SYNE2: variants seen among roughly 807,000 people sequenced by gnomAD.
The protein encoded by SYNE2 is spectrin repeat containing nuclear envelope protein 2, also known as nesprin-2.
In SYNE2, 431 loss-of-function variants were observed where a neutral mutation model predicts 856.3. The ratio of observed to expected loss-of-function variants is 0.50; its 90% CI spans 0.47 to 0.55. The LOEUF is 0.55. Among genes scored for constraint, SYNE2 ranks in the 20% least tolerant of loss-of-function variants. The probability of loss-of-function intolerance (pLI) is 0.00; values close to 1 mark genes in which losing one functional copy is unlikely to be tolerated. For synonymous variants in SYNE2, 2,923 were observed against 2,872.3 expected (o/e 1.02, Z -0.56); for missense variants, 8,129 against 8,023.2 (o/e 1.01, Z -0.50).
chr14:63,766,254 A>AT (rs1566552920), intron 1 of SYNE2, among the ~76,000 whole-genome samples: 1 of 151,612 alleles, frequency 6.6e-6, no homozygotes, highest in East Asian at 2.0e-4. Flanking sequence ...AATTTTTTGT[A>AT]TTTTTAGTGG....
intron 1 of SYNE2, among the ~76,000 whole-genome samples, chr14:63,907,787 G>A (rs773029666): frequency 3.3e-5 from 5 of 152,100 alleles, no homozygotes; most frequent in African/African-American, 7.2e-5. Flanking sequence ...TCATCAGGCT[G>A]CCAAGGCTCA....
chr14:63,770,296 C>G (rs1293431786), intron 1 of SYNE2, among the ~76,000 whole-genome samples: 3 of 152,024 alleles, frequency 2.0e-5, no homozygotes, highest in Non-Finnish European at 4.4e-5. Flanking sequence ...GTGAAAAATA[C>G]CCATAAAAAT....
intron 49 of SYNE2, among the ~76,000 whole-genome samples, chr14:64,056,862 G>C (rs1347187525): frequency 6.6e-6 from 1 of 151,990 alleles, no homozygotes; most frequent in African/African-American, 2.4e-5. Flanking sequence ...AGTAGAGACA[G>C]GATTTCTCCA....
At position 64,129,839 on chromosome 14, in the gene SYNE2, A is replaced by G; in HGVS notation, c.14077A>G (p.Arg4693Gly). ...CGCCGAGAGCCGAGTGGCCAAACTA[A>G]GAGATGAAGGGGAGAGGCTTCATTT... ...ENAESRVAKL[R>G]DEGERLHLPY... is the part of the protein sequence containing the mutation. Residue 4693 changes from arginine to glycine, a missense_variant, in exon 75 of 116, where the codon AGA becomes GGA. Coordinates refer to ENST00000555002, the MANE Select transcript of SYNE2 (RefSeq NM_182914.3). The G allele has an allele frequency of 1.2e-6, 2 of 1,614,224 alleles. No homozygotes were observed. Among genetic ancestry groups the G allele is most frequent in the East Asian group, 4.5e-5 (2 of 44,894 alleles).
At chr14:63,927,979 C>T (rs2095692469) in intron 2 of SYNE2, among the ~76,000 whole-genome samples, 2 of 151,154 alleles carry the variant, frequency 1.3e-5, no homozygotes, top group Admixed American at 1.3e-4. Flanking sequence ...ACCTCTTTTT[C>T]TTTATAAATT....
chr14:64,006,959 G>T (rs1395478180), intron 30 of SYNE2, 84 bp from the exon 31 acceptor site: 4 of 1,080,258 alleles, frequency 3.7e-6, no homozygotes, highest in Non-Finnish European at 5.7e-6. Context: ...ATTAAAGTTA[G>T]TGTGCCTCCC....
At chr14:64,215,789 C>G (rs905614526) in intron 107 of SYNE2, 3 of 489,764 alleles carry the variant, frequency 6.1e-6, no homozygotes, top group Non-Finnish European at 9.6e-6. Context: ...GGGAAAAAAC[C>G]TTCCTTTCCT....
At chr14:64,215,525 C>T in intron 107 of SYNE2, 171 bp downstream of exon 107, 2 of 735,410 alleles carry the variant, frequency 2.7e-6, no homozygotes, top group East Asian at 2.7e-5. Flanking sequence ...CTGCGTGCTC[C>T]TTACAAAACC....
chr14:64,053,401 A>T lies in SYNE2; in HGVS notation c.9488A>T (p.His3163Leu). Reference sequence around the variant, plus strand: ...CAGGACAAACTAGAAACTTCCTTACATGTTTTAAATCAGATAAAATCTCAA... The same window carrying T: ...CAGGACAAACTAGAAACTTCCTTACTTGTTTTAAATCAGATAAAATCTCAA... Reference protein sequence around the residue: ...NCQDKLETSLHVLNQIKSQLQ... With the variant: ...NCQDKLETSLLVLNQIKSQLQ... Residue 3163 changes from histidine (H) to leucine (L), a missense_variant, in exon 48 of 116, where the codon CAT (histidine) becomes CTT (leucine). Transcript: ENST00000555002. 1 of 1,613,404 alleles carries T rather than the reference A, an allele frequency of 6.2e-7. No individual in the cohort carries two copies. The highest frequency in any genetic ancestry group is 8.5e-7 in the Non-Finnish European group (1 of 1,179,878).
chr14:63,889,754 G>A (rs1368646504), intron 1 of SYNE2, among the ~76,000 whole-genome samples: 6 of 151,734 alleles, frequency 4.0e-5, no homozygotes, highest in Non-Finnish European at 8.8e-5. Context: ...CTGGGATTAC[G>A]GATGTGAGCC....
chr14:63,860,793 A>G (rs1315277774), intron 1 of SYNE2, among the ~76,000 whole-genome samples: 2 of 152,198 alleles, frequency 1.3e-5, no homozygotes, highest in Non-Finnish European at 2.9e-5. Flanking sequence ...GGTAAAAGTC[A>G]ATGTCTCTTG....
chr14:64,024,773 A>G (rs1460475394), intron 39 of SYNE2, 139 bp from the exon 40 acceptor site: 1 of 947,024 alleles, frequency 1.1e-6, no homozygotes, highest in Non-Finnish European at 1.6e-6. Flanking sequence ...GATTTTTTAT[A>G]TTACAAATTA....
At chr14:64,090,268 A>T (rs1329710439) in intron 59 of SYNE2, among the ~76,000 whole-genome samples, 2 of 152,182 alleles carry the variant, frequency 1.3e-5, no homozygotes, top group Non-Finnish European at 2.9e-5. Context: ...TCACCTGTGA[A>T]ATGGAGGTTA....
At chr14:63,929,159 T>C (rs562630365) in intron 2 of SYNE2, among the ~76,000 whole-genome samples, 1 of 152,252 alleles carries the variant, frequency 6.6e-6, no homozygotes, top group Admixed American at 6.5e-5. Context: ...GGATGGAGTC[T>C]GGTTACCAGA....
At position 64,143,889 on chromosome 14, in the gene SYNE2, G is replaced by C. The variant is rs777915070; in HGVS notation, c.15424G>C (p.Glu5142Gln). The C allele has an allele frequency of 1.2e-6, 2 of 1,614,194 alleles. No individual in the cohort carries two copies. The highest frequency in any genetic ancestry group is 1.7e-6 in the Non-Finnish European group (2 of 1,180,022). The change falls in exon 83 of 116, where the codon GAG becomes CAG. Residue 5142 changes from glutamate to glutamine, a missense_variant. By Grantham distance (29) the Glu-to-Gln change is conservative. Transcript: ENST00000555002. ...GCGCTATGAAAGAACGGAGTTTGCA[G>C]AGCACCTGGGGGAGATGAACCGCCA... The part of the protein sequence containing the change: ...SKRYERTEFA[E>Q]HLGEMNRQWH...
intron 79 of SYNE2, among the ~76,000 whole-genome samples, chr14:64,138,983 GTAAT>G (rs1371355656): frequency 2.1e-5 from 3 of 143,314 alleles, no homozygotes; most frequent in African/African-American, 8.0e-5. Context: ...GTGTGTGTAT[GTAAT>G]TTTATTTATT....
chr14:64,016,611 A>G lies in SYNE2; in HGVS notation c.4867A>G (p.Ile1623Val). Residue 1623 changes from isoleucine (I) to valine (V), a missense_variant, in exon 33 of 116, where the codon ATT becomes GTT. Coordinates refer to ENST00000555002, the MANE Select transcript of SYNE2 (RefSeq NM_182914.3). ...EPPFEKEANI[I>V]VDRWLDINEK... The stretch of plus-strand genomic sequence containing the variant: ...CCCTTTTGAAAAAGAGGCTAATATT[A>G]TTGTGGATAGATGGCTTGATGTAAG... 1 of 1,597,678 alleles carries G rather than the reference A, an allele frequency of 6.3e-7. No individual in the cohort carries two copies. Among genetic ancestry groups the G allele is most frequent in the Non-Finnish European group, 8.6e-7 (1 of 1,168,804 alleles).
rs797019171 is a variant in SYNE2, at chr14:64,061,706, T to G, written c.10068-1045T>G. The stretch of plus-strand genomic sequence containing the variant: ...AGCCTTAACCCAATTTTATTGGTGG[T>G]TTTTTCTTACTGATTTCTAGGAATT... On this transcript the variant is annotated intron_variant, in intron 49 of 115. Transcript: ENST00000555002. Among the ~76,000 whole-genome samples, 15 of 152,322 alleles carry G rather than the reference T, an allele frequency of 9.8e-5. 1 individual carries two copies. The highest frequency in any genetic ancestry group is 3.6e-4 in the African/African-American group (15 of 41,568).
chr14:64,122,447 G>A lies in SYNE2; in HGVS notation c.13422+20G>A, dbSNP rs1305972080. ...CCTCAGGTCAGTCTGTATCTACATG[G>A]TGCAAATAGCCTGTTTATCTTTGAA... On this transcript the variant is annotated intron_variant, in intron 70 of 115. Coordinates refer to ENST00000555002, the MANE Select transcript of SYNE2 (RefSeq NM_182914.3). 4 of 1,614,100 alleles carry A rather than the reference G, an allele frequency of 2.5e-6. No homozygotes were observed. Among genetic ancestry groups the A allele is most frequent in the South Asian group, 1.1e-5 (1 of 91,078 alleles).
Sources: allele counts gnomAD v4.1 joint callset (sites outside exome capture counted in the v4.1 genomes callset), GRCh38; gene constraint gnomAD v4.1.1; transcripts MANE v1.5; gene names NCBI Gene and HGNC (gene_info 2026-07-23, HGNC 2026-07-21).